Variants in MAF observed in about 807,000 individuals in gnomAD.
MAF encodes the protein MAF bZIP transcription factor.
Under a neutral mutation model 22.0 loss-of-function variants are expected in MAF, and 10 were observed. The observed-to-expected ratio is 0.45, with a 90% confidence interval of 0.28 to 0.77. The LOEUF (loss-of-function observed/expected upper bound fraction) is 0.77, where lower values mean the gene tolerates loss of function less well. MAF is among the 30% of genes least tolerant of loss of function. The pLI, the probability that MAF is intolerant of heterozygous loss-of-function variation, is 0.12. For synonymous variants in MAF, 337 were observed against 255.8 expected, an observed-to-expected ratio of 1.32 and a Z score of -3.03; for missense variants, 544 against 548.4, an observed-to-expected ratio of 0.99 and a Z score of 0.08.
chr16:79,230,576 A>T, the MAF span, among the ~76,000 whole-genome samples: 1 of 152,156 alleles, frequency 6.6e-6, no homozygotes, highest in Non-Finnish European at 1.5e-5. Context: ...CAGCTGAGCA[A>T]CCTTCAGCAC....
the MAF span, among the ~76,000 whole-genome samples, chr16:79,236,090 G>C: frequency 6.6e-6 from 1 of 152,060 alleles, no homozygotes; most frequent in African/African-American, 2.4e-5. Flanking sequence ...ACCTTGGCTG[G>C]TGGGCCTCTG....
the MAF span, among the ~76,000 whole-genome samples, chr16:79,492,338 C>T: frequency 1.3e-5 from 2 of 152,090 alleles, no homozygotes; most frequent in African/African-American, 2.4e-5. Flanking sequence ...ATAATTAATA[C>T]AAAAAGTCAA....
the MAF span, among the ~76,000 whole-genome samples, chr16:79,579,015 G>C: frequency 6.6e-6 from 1 of 152,034 alleles, no homozygotes; most frequent in East Asian, 1.9e-4. Flanking sequence ...TTACCTTTGG[G>C]TTAGCAAACC....
chr16:79,349,168 G>A, the MAF span, among the ~76,000 whole-genome samples: 8,355 of 152,262 alleles, frequency 0.055, 751 homozygotes, highest in African/African-American at 0.19. Flanking sequence ...GCTCAGAGAC[G>A]TCCTCTGCCT....
At chr16:79,556,952 T>C in the MAF span, among the ~76,000 whole-genome samples, 1 of 150,110 alleles carries the variant, frequency 6.7e-6, no homozygotes, top group Admixed American at 6.6e-5. Flanking sequence ...GTTTCTACCA[T>C]CCTTGTATAC....
the MAF span, among the ~76,000 whole-genome samples, chr16:79,269,444 A>T: frequency 2.0e-5 from 3 of 152,070 alleles, no homozygotes; most frequent in Non-Finnish European, 4.4e-5. Flanking sequence ...CTCTCTGGCG[A>T]ATGGAGGTAT....
the MAF span, among the ~76,000 whole-genome samples, chr16:79,238,256 C>T: frequency 6.6e-6 from 1 of 152,074 alleles, no homozygotes; most frequent in Admixed American, 6.6e-5. Context: ...CCAGCTTTTC[C>T]CAGGACCCAA....
At chr16:79,471,517 A>G in the MAF span, among the ~76,000 whole-genome samples, 1 of 152,144 alleles carries the variant, frequency 6.6e-6, no homozygotes, top group Non-Finnish European at 1.5e-5. Flanking sequence ...CTAGAAAAAA[A>G]CCCACAAAAA....
At chr16:79,246,118 G>C in the MAF span, among the ~76,000 whole-genome samples, 1 of 152,052 alleles carries the variant, frequency 6.6e-6, no homozygotes, top group Non-Finnish European at 1.5e-5. Context: ...ATGACGGGTT[G>C]ATGGGTGCAG....
the MAF span, among the ~76,000 whole-genome samples, chr16:79,374,000 C>G: frequency 6.6e-6 from 1 of 152,100 alleles, no homozygotes; most frequent in Admixed American, 6.6e-5. Context: ...TCTCATGATC[C>G]TGAGAGTTGG....
the MAF span, among the ~76,000 whole-genome samples, chr16:79,255,977 C>CTTTTTTTTTTTTTTTTTTTTTTTTTT: frequency 5.6e-5 from 6 of 107,946 alleles, 1 homozygote; most frequent in African/African-American, 1.1e-4. Flanking sequence ...TTTTTCTTTT[C>CTTTTTTTTTTTTTTTTTTTTTTTTTT]TTTTCTTTTT....
chr16:79,204,022 A>G, the MAF span: 4 of 152,182 alleles, frequency 2.6e-5, no homozygotes, highest in East Asian at 3.8e-4. Context: ...TTTCAGTGAC[A>G]TGCCATCAGA....
the MAF span, among the ~76,000 whole-genome samples, chr16:79,520,267 C>A: frequency 1.9e-4 from 29 of 152,162 alleles, no homozygotes; most frequent in African/African-American, 6.8e-4. Flanking sequence ...CCCTTCTATC[C>A]TTCCATGAAG....
At chr16:79,449,345 A>G in the MAF span, among the ~76,000 whole-genome samples, 2 of 152,268 alleles carry the variant, frequency 1.3e-5, no homozygotes, top group Admixed American at 6.5e-5. Context: ...TGGTATAAAC[A>G]TAACTTTTAT....
At chr16:79,452,013 C>G in the MAF span, among the ~76,000 whole-genome samples, 3 of 152,192 alleles carry the variant, frequency 2.0e-5, no homozygotes, top group East Asian at 3.9e-4. Context: ...GGGGCCAAAT[C>G]CCATCCCTCG....
the MAF span, among the ~76,000 whole-genome samples, chr16:79,474,101 G>A: frequency 6.6e-6 from 1 of 152,124 alleles, no homozygotes; most frequent in Non-Finnish European, 1.5e-5. Context: ...CAGGGGAGAG[G>A]AAGAAATGAT....
chr16:79,502,716 T>TAAATATAA, the MAF span, among the ~76,000 whole-genome samples: 6 of 20,568 alleles, frequency 2.9e-4, no homozygotes, highest in East Asian at 3.0e-3. Flanking sequence ...TAAATATATA[T>TAAATATAA]ATATATATAT....
chr16:79,353,413 G>C, the MAF span, among the ~76,000 whole-genome samples: 4 of 152,292 alleles, frequency 2.6e-5, no homozygotes, highest in African/African-American at 9.6e-5. Context: ...ACAGGCTTGA[G>C]CCACCGTGCC....
chr16:79,306,994 G>A, the MAF span, among the ~76,000 whole-genome samples: 1 of 152,166 alleles, frequency 6.6e-6, no homozygotes, highest in Non-Finnish European at 1.5e-5. Context: ...TGTCTTTTCT[G>A]TTGTTATCAG....
Sources: allele counts gnomAD v4.1 joint callset (sites outside exome capture counted in the v4.1 genomes callset), GRCh38; gene constraint gnomAD v4.1.1; transcripts MANE v1.5; gene names NCBI Gene and HGNC (gene_info 2026-07-23, HGNC 2026-07-21).